Variants in NF1 observed in about 807,000 individuals in gnomAD.
NF1 encodes neurofibromin.
Under a neutral mutation model 325.7 loss-of-function variants are expected in NF1, and 122 were observed. That is an observed-to-expected ratio of 0.37 (90% CI 0.32 to 0.44). NF1 has a LOEUF of 0.44. NF1 is among the 20% of genes least tolerant of loss of function. NF1 has a pLI of 1.00. For missense variants in NF1, 2,140 were observed against 3,415.4 expected, an observed-to-expected ratio of 0.63 and a Z score of 9.31; for synonymous variants, 1,091 against 1,186.0, an observed-to-expected ratio of 0.92 and a Z score of 1.65.
intron 36 of NF1, among the ~76,000 whole-genome samples, chr17:31,315,875 T>G (rs2069008415): frequency 6.6e-6 from 1 of 152,206 alleles, no homozygotes; most frequent in South Asian, 2.1e-4. Flanking sequence ...GGGCTCCTAC[T>G]ATAAAGCATA....
At chr17:31,097,222 C>T (rs1410556466) in intron 1 of NF1, among the ~76,000 whole-genome samples, 5 of 152,062 alleles carry the variant, frequency 3.3e-5, no homozygotes, top group Non-Finnish European at 7.4e-5. Flanking sequence ...CTTTGGGATG[C>T]CAAGGCAGGT....
chr17:31,316,981 G>C lies in NF1; in HGVS notation c.4836-8839G>C, dbSNP rs1321932498. Among the ~76,000 whole-genome samples, 3 of 152,262 alleles carry C rather than the reference G, an allele frequency of 2.0e-5. No individual in the cohort carries two copies. The East Asian group carries it at 5.8e-4, about 29-fold the overall frequency. ...AGTTCACCCCATTCCAGTTGCATCA[G>C]AAGGAAGACATGGGAATTAGGCATT... On this transcript the variant is annotated intron_variant, in intron 36 of 57. Coordinates refer to ENST00000358273, the MANE Select transcript of NF1 (RefSeq NM_001042492.3).
intron 36 of NF1, chr17:31,318,414 T>G (rs757823012): frequency 6.2e-7 from 1 of 1,613,952 alleles, no homozygotes; most frequent in South Asian, 1.1e-5. Flanking sequence ...CTGTGAGCTG[T>G]TTTGTTCTTT....
At position 31,374,457 on chromosome 17, in the gene NF1, A is replaced by C. The variant is rs1382582122; in HGVS notation, c.*302A>C. 7 of 470,760 alleles carry C rather than the reference A, an allele frequency of 1.5e-5. No homozygotes were observed. Among genetic ancestry groups the C allele is most frequent in the Non-Finnish European group, 2.7e-5 (7 of 255,500 alleles). The allele number at this position is 470,760 out of a possible 1,614,324, so 29.2% of individuals were successfully genotyped here. A position where few individuals can be genotyped will look rare whatever the true frequency, so the allele number is the denominator to read the frequency against. On this transcript the variant is annotated 3_prime_UTR_variant, in exon 58 of 58. Transcript: ENST00000358273. ...TTTTAACTGAGAAATCTCAATTGTA[A>C]GAGAGGATGAATTCTTGAATACTGC...
chr17:31,261,679 A>G (rs573457089), intron 34 of NF1, 32 bp from the exon 35 acceptor site: 27 of 1,611,542 alleles, frequency 1.7e-5, no homozygotes, highest in South Asian at 1.5e-4. Flanking sequence ...GTGAACTGCT[A>G]ATTTTTTTTC....
chr17:31,264,379 C>T (rs1296749489), intron 35 of NF1, among the ~76,000 whole-genome samples: 1 of 151,232 alleles, frequency 6.6e-6, no homozygotes, highest in Non-Finnish European at 1.5e-5. Context: ...CCACTGCACT[C>T]CAGCCTGGTC....
At chr17:31,322,092 T>TACACACACAC (rs1491535600) in intron 36 of NF1, among the ~76,000 whole-genome samples, 4 of 48,488 alleles carry the variant, frequency 8.2e-5, no homozygotes, top group Non-Finnish European at 1.7e-4. Flanking sequence ...GTAGTGTGTG[T>TACACACACAC]ATACACACAC....
intron 5 of NF1, among the ~76,000 whole-genome samples, chr17:31,181,059 A>C (rs1259481204): frequency 1.3e-5 from 2 of 152,242 alleles, no homozygotes; most frequent in Non-Finnish European, 2.9e-5. Context: ...GGACCTCTTC[A>C]AGGAGAACTA....
intron 8 of NF1, among the ~76,000 whole-genome samples, chr17:31,187,399 A>G (rs1214344747): frequency 2.0e-5 from 3 of 152,108 alleles, no homozygotes; most frequent in Admixed American, 6.5e-5. Context: ...GGGTTTCACC[A>G]TGTTGGCCAG....
intron 12 of NF1, among the ~76,000 whole-genome samples, chr17:31,213,249 C>T (rs1339149212): frequency 6.6e-6 from 1 of 152,122 alleles, no homozygotes; most frequent in African/African-American, 2.4e-5. Context: ...GCTTTGGGGT[C>T]AGGGGGCAGT....
At chr17:31,295,871 C>T in intron 36 of NF1, 2 of 1,614,190 alleles carry the variant, frequency 1.2e-6, no homozygotes, top group East Asian at 2.2e-5. Flanking sequence ...TTTGTTACTA[C>T]TGAGGTTGAG....
intron 1 of NF1, among the ~76,000 whole-genome samples, chr17:31,146,203 T>A (rs1281118159): frequency 6.6e-6 from 1 of 152,122 alleles, no homozygotes; most frequent in Non-Finnish European, 1.5e-5. Context: ...TGGGGTTCTC[T>A]TCCAGGCTCA....
rs1425170311 is a variant in NF1, at chr17:31,200,623, A to G, written c.1062+28A>G. ...AACATGCTTATTCTTTCTCTACTAC[A>G]AACTTTAAGAAAATTAAATGAATTT... On this transcript the variant is annotated intron_variant, in intron 9 of 57. Coordinates refer to ENST00000358273, the MANE Select transcript of NF1 (RefSeq NM_001042492.3). The G allele has an allele frequency of 1.6e-5, 26 of 1,608,356 alleles. 1 individual carries two copies. In the African/African-American group the frequency reaches 3.5e-4, roughly 22 times the overall value.
Position 31,338,817 on chromosome 17 carries a change from A to T in NF1, c.6921+12A>T, listed in dbSNP as rs1334128782. On this transcript the variant is annotated intron_variant, in intron 46 of 57. Coordinates refer to ENST00000358273, the MANE Select transcript of NF1 (RefSeq NM_001042492.3). Reference sequence around the variant, plus strand: ...CACTTCTTAATAAGGTAATTACTGTATAGAAAATGAGTGCATTCATTTTGG... The same window carrying T: ...CACTTCTTAATAAGGTAATTACTGTTTAGAAAATGAGTGCATTCATTTTGG... The T allele has an allele frequency of 6.5e-7, 1 of 1,538,420 alleles. No individual in the cohort carries two copies. Among genetic ancestry groups the T allele is most frequent in the Admixed American group, 1.7e-5 (1 of 59,890 alleles).
chr17:31,304,128 G>T, intron 36 of NF1: 1 of 869,318 alleles, frequency 1.2e-6, no homozygotes, highest in Non-Finnish European at 1.7e-6. Flanking sequence ...ATGCACATAG[G>T]CTCTGAGCAG....
At chr17:31,161,298 G>A (rs145496441) in intron 3 of NF1, among the ~76,000 whole-genome samples, 17 of 152,244 alleles carry the variant, frequency 1.1e-4, no homozygotes, top group African/African-American at 4.1e-4. Flanking sequence ...CAAGAAATAG[G>A]CATTGTAATG....
intron 1 of NF1, among the ~76,000 whole-genome samples, chr17:31,110,152 AT>A (rs1394404275): frequency 6.6e-6 from 1 of 152,210 alleles, no homozygotes; most frequent in African/African-American, 2.4e-5. Context: ...TACAGGGAGA[AT>A]TTAATTTCTG....
intron 35 of NF1, among the ~76,000 whole-genome samples, chr17:31,263,079 G>A (rs200961856): frequency 8.3e-4 from 71 of 85,934 alleles, no homozygotes; most frequent in South Asian, 2.7e-3. Flanking sequence ...AGATAGATAG[G>A]TAGGTAGGTA....
chr17:31,355,459 A>T (rs1052352165), intron 51 of NF1, among the ~76,000 whole-genome samples: 4 of 152,060 alleles, frequency 2.6e-5, no homozygotes, highest in African/African-American at 9.7e-5. Context: ...GACTATTATG[A>T]ATAGTTATTC....
Sources: gnomAD v4.1 joint callset for allele counts (sites outside exome capture counted in the v4.1 genomes callset) on GRCh38, gnomAD v4.1.1 for gene constraint, MANE v1.5 for transcripts, NCBI Gene and HGNC (gene_info 2026-07-23, HGNC 2026-07-21) for gene names.